Variants in LINGO2 observed in about 807,000 individuals in gnomAD.
LINGO2 encodes the protein leucine rich repeat and Ig domain containing 2.
Under a neutral mutation model 30.6 loss-of-function variants are expected in LINGO2, and 14 were observed. The observed-to-expected ratio is 0.46, with a 90% confidence interval of 0.30 to 0.72. The LOEUF (loss-of-function observed/expected upper bound fraction) is 0.72, where lower values mean the gene tolerates loss of function less well. Among genes scored for constraint, LINGO2 ranks in the 30% least tolerant of loss-of-function variants. The pLI, the probability that LINGO2 is intolerant of heterozygous loss-of-function variation, is 0.07. For missense variants in LINGO2, 729 were observed against 751.7 expected, an observed-to-expected ratio of 0.97 and a Z score of 0.35; for synonymous variants, 317 against 288.5, an observed-to-expected ratio of 1.10 and a Z score of -1.00.
the LINGO2 span, among the ~76,000 whole-genome samples, chr9:28,824,082 ATAGT>A: frequency 4.6e-5 from 7 of 152,320 alleles, no homozygotes; most frequent in East Asian, 1.9e-4. Context: ...ATTTATGCAA[ATAGT>A]TAGTACTTGT....
intron 4 of LINGO2, among the ~76,000 whole-genome samples, chr9:28,167,688 A>C (rs750251015): frequency 1.3e-5 from 2 of 152,082 alleles, no homozygotes; most frequent in Non-Finnish European, 2.9e-5. Context: ...CACCCCACCT[A>C]TTGTCTAATT....
At chr9:28,466,917 A>T (rs1471464042) in intron 2 of LINGO2, among the ~76,000 whole-genome samples, 7 of 152,146 alleles carry the variant, frequency 4.6e-5, no homozygotes. Flanking sequence ...GTTAAAAATG[A>T]CTAAAATTAT....
the LINGO2 span, among the ~76,000 whole-genome samples, chr9:28,897,201 C>T: frequency 6.6e-6 from 1 of 152,158 alleles, no homozygotes; most frequent in Non-Finnish European, 1.5e-5. Flanking sequence ...TCCAATGAAA[C>T]TCATCTCCAT....
intron 4 of LINGO2, among the ~76,000 whole-genome samples, chr9:28,035,644 T>C (rs1823895521): frequency 6.6e-6 from 1 of 152,254 alleles, no homozygotes; most frequent in Non-Finnish European, 1.5e-5. Context: ...TGTTGACTTT[T>C]GTTTCAGAGA....
intron 4 of LINGO2, among the ~76,000 whole-genome samples, chr9:28,217,324 G>C (rs1311014804): frequency 6.6e-6 from 1 of 151,590 alleles, no homozygotes; most frequent in East Asian, 1.9e-4. Context: ...AAATTAAATA[G>C]TTCCTGTGCC....
chr9:28,691,087 C>T, the LINGO2 span, among the ~76,000 whole-genome samples: 10 of 152,252 alleles, frequency 6.6e-5, no homozygotes, highest in African/African-American at 2.4e-4. Flanking sequence ...AGCCCAGCAG[C>T]ATCAATGGGC....
chr9:28,911,842 G>A, the LINGO2 span, among the ~76,000 whole-genome samples: 8 of 152,140 alleles, frequency 5.3e-5, no homozygotes, highest in African/African-American at 1.7e-4. Context: ...GTCTTTCCCG[G>A]AGAGTAACCA....
At chr9:29,015,395 C>A in the LINGO2 span, among the ~76,000 whole-genome samples, 1 of 152,138 alleles carries the variant, frequency 6.6e-6, no homozygotes, top group African/African-American at 2.4e-5. Flanking sequence ...CAGGAGTCAG[C>A]ACACTTTTTC....
At chr9:28,261,610 T>C (rs1822566105) in intron 4 of LINGO2, among the ~76,000 whole-genome samples, 1 of 151,932 alleles carries the variant, frequency 6.6e-6, no homozygotes, top group African/African-American at 2.4e-5. Flanking sequence ...AGAGTTGTCT[T>C]TTATTCCTTG....
chr9:28,560,943 G>A (rs921086131), intron 1 of LINGO2, among the ~76,000 whole-genome samples: 1 of 151,964 alleles, frequency 6.6e-6, no homozygotes, highest in African/African-American at 2.4e-5. Context: ...CCAAAGTGCC[G>A]GGATTACAGG....
intron 1 of LINGO2, among the ~76,000 whole-genome samples, chr9:28,518,040 G>C (rs1439450871): frequency 3.3e-5 from 5 of 152,112 alleles, no homozygotes; most frequent in Non-Finnish European, 7.3e-5. Flanking sequence ...TTGGCAGTGA[G>C]TCACTGGCAT....
chr9:28,384,414 A>AT (rs1482400893), intron 2 of LINGO2, among the ~76,000 whole-genome samples: 1 of 149,696 alleles, frequency 6.7e-6, no homozygotes, highest in Admixed American at 6.7e-5. Flanking sequence ...TCATTTGGAC[A>AT]TTTTTTCAGT....
rs528950558 is a variant in LINGO2, at chr9:27,971,469, G to A, written c.-35-20763C>T. On this transcript the variant is annotated intron_variant, in intron 5 of 5. Coordinates refer to ENST00000379992, the Ensembl canonical transcript of LINGO2. ...ATGATCTGGACTTGCTGCAACCTCCGCCTGGCTGGTTCAAGCAATTCTTCT... is the reference window on the plus strand; with the variant it reads ...ATGATCTGGACTTGCTGCAACCTCCACCTGGCTGGTTCAAGCAATTCTTCT... Among the ~76,000 whole-genome samples, 153 of 152,200 alleles carry A rather than the reference G, an allele frequency of 1.0e-3. 1 individual carries two copies. Among genetic ancestry groups the A allele is most frequent in the South Asian group, 4.2e-4 (2 of 4,810 alleles).
the LINGO2 span, among the ~76,000 whole-genome samples, chr9:28,694,440 A>G: frequency 9.2e-5 from 14 of 152,006 alleles, no homozygotes; most frequent in Non-Finnish European, 4.4e-5. Context: ...TTCAGAAACT[A>G]TACTCACTGC....
chr9:28,713,333 T>C, the LINGO2 span, among the ~76,000 whole-genome samples: 1 of 152,212 alleles, frequency 6.6e-6, no homozygotes, highest in African/African-American at 2.4e-5. Flanking sequence ...TGACTTTCTC[T>C]TGATGGCTTG....
chr9:28,307,133 G>T (rs1284790278), intron 3 of LINGO2, among the ~76,000 whole-genome samples: 2 of 152,030 alleles, frequency 1.3e-5, no homozygotes, highest in Non-Finnish European at 2.9e-5. Context: ...CAAAAAAAGA[G>T]AATTTTAGAT....
At chr9:27,938,336 T>C in the LINGO2 span, 1 of 152,250 alleles carries the variant, frequency 6.6e-6, no homozygotes. Context: ...CTCAATGATA[T>C]CTAGTTACTC....
At chr9:28,221,022 G>A (rs556110508) in intron 4 of LINGO2, among the ~76,000 whole-genome samples, 23 of 152,070 alleles carry the variant, frequency 1.5e-4, no homozygotes, top group Non-Finnish European at 3.1e-4. Context: ...AAGATAGGCC[G>A]GATGCGGTGG....
downstream of LINGO2, among the ~76,000 whole-genome samples, chr9:27,947,702 C>G (rs1375888381): frequency 1.3e-5 from 2 of 152,166 alleles, no homozygotes; most frequent in Admixed American, 6.5e-5. Context: ...AGGCAGCTAT[C>G]ATGTTTTAAA....
Sources: allele counts gnomAD v4.1 joint callset (sites outside exome capture counted in the v4.1 genomes callset), GRCh38; gene constraint gnomAD v4.1.1; transcripts MANE v1.5; gene names NCBI Gene and HGNC (gene_info 2026-07-23, HGNC 2026-07-21).